Variants in CNNM2 observed in about 807,000 individuals in gnomAD.
CNNM2 encodes metal transporter CNNM2.
CNNM2 carries 12 observed loss-of-function variants against 66.9 expected under a neutral mutation model. That is an observed-to-expected ratio of 0.18 (90% CI 0.11 to 0.29). The LOEUF is 0.29. CNNM2 is among the 10% of genes least tolerant of loss of function. The pLI, the probability that CNNM2 is intolerant of heterozygous loss-of-function variation, is 1.00. For missense variants in CNNM2, 705 were observed against 1,167.7 expected (o/e 0.60, Z 5.77); for synonymous variants, 557 against 501.8 (o/e 1.11, Z -1.47).
At chr10:102,972,623 G>A (rs1378990336) in intron 1 of CNNM2, among the ~76,000 whole-genome samples, 1 of 152,166 alleles carries the variant, frequency 6.6e-6, no homozygotes, top group Admixed American at 6.5e-5. Flanking sequence ...GAGACAGAGC[G>A]AGACTGTCTC....
At chr10:103,011,610 GTTAT>G (rs776484519) in intron 1 of CNNM2, among the ~76,000 whole-genome samples, 2 of 150,174 alleles carry the variant, frequency 1.3e-5, no homozygotes, top group Non-Finnish European at 3.0e-5. Flanking sequence ...ACTGGTAACT[GTTAT>G]TTAGTTTTCT....
At chr10:103,026,526 A>G (rs1285982925) in intron 1 of CNNM2, among the ~76,000 whole-genome samples, 1 of 146,638 alleles carries the variant, frequency 6.8e-6, no homozygotes, top group Non-Finnish European at 1.5e-5. Context: ...GCTGGAGCCC[A>G]GGAGGTCAAG....
chr10:102,976,611 A>ATTTTTTTTTTTTT lies in CNNM2; in HGVS notation c.1621+56526_1621+56538dup, dbSNP rs66498944. On this transcript the variant is annotated intron_variant, in intron 1 of 7. Coordinates refer to ENST00000369878, the MANE Select transcript of CNNM2 (RefSeq NM_017649.5). ...CAGGTGTGCGCCACACGCCCAGGTAATTTTTTTTTTTTTTTTTTTTTTTTT... is the reference window on the plus strand; with the variant it reads ...CAGGTGTGCGCCACACGCCCAGGTAATTTTTTTTTTTTTTTTTTTTTTTTTTTTTTTTTTTTTT... Among the ~76,000 whole-genome samples, 112 of 59,432 alleles carry ATTTTTTTTTTTTT rather than the reference A, an allele frequency of 1.9e-3. 2 individuals are homozygous for ATTTTTTTTTTTTT. Among genetic ancestry groups the ATTTTTTTTTTTTT allele is most frequent in the African/African-American group, 4.3e-3 (54 of 12,652 alleles). 39.0% of individuals were successfully genotyped at this position (59,432 alleles called of 152,430 possible). A position where few individuals can be genotyped will look rare whatever the true frequency, so the allele number is the denominator to read the frequency against.
At chr10:103,073,194 C>T (rs985757115) in intron 6 of CNNM2, among the ~76,000 whole-genome samples, 1 of 152,164 alleles carries the variant, frequency 6.6e-6, no homozygotes, top group Non-Finnish European at 1.5e-5. Flanking sequence ...AGGAGAGGGT[C>T]CACTCACACA....
intron 1 of CNNM2, among the ~76,000 whole-genome samples, chr10:102,958,459 GTTTTTTTTTTTTTTTTTT>G (rs33992570): frequency 1.9e-5 from 1 of 51,702 alleles, no homozygotes; most frequent in Non-Finnish European, 3.5e-5. Flanking sequence ...CAAGCAACTT[GTTTTTTTTTTTTTTTTTT>G]TTTTTTTTTT....
At chr10:103,045,225 A>G (rs1474779209) in intron 1 of CNNM2, among the ~76,000 whole-genome samples, 1 of 152,228 alleles carries the variant, frequency 6.6e-6, no homozygotes, top group Non-Finnish European at 1.5e-5. Flanking sequence ...GACCTGATGC[A>G]GTGTTTATAT....
intron 1 of CNNM2, among the ~76,000 whole-genome samples, chr10:103,022,699 TA>T (rs1249624176): frequency 6.6e-6 from 1 of 152,202 alleles, no homozygotes; most frequent in Non-Finnish European, 1.5e-5. Flanking sequence ...TGCATTGCTG[TA>T]AAGGAGTACC....
intron 1 of CNNM2, among the ~76,000 whole-genome samples, chr10:103,026,275 C>T (rs2064701506): frequency 6.6e-6 from 1 of 152,134 alleles, no homozygotes; most frequent in Non-Finnish European, 1.5e-5. Context: ...ACTTAAATTA[C>T]ATAATTGCAG....
intron 1 of CNNM2, among the ~76,000 whole-genome samples, chr10:103,022,411 T>C (rs2064603612): frequency 6.6e-6 from 1 of 152,230 alleles, no homozygotes; most frequent in Non-Finnish European, 1.5e-5. Flanking sequence ...GGTGACCTTA[T>C]AGACAAGGTG....
intron 1 of CNNM2, among the ~76,000 whole-genome samples, chr10:102,951,289 T>G (rs1846822297): frequency 6.6e-6 from 1 of 152,070 alleles, no homozygotes; most frequent in South Asian, 2.1e-4. Flanking sequence ...CTCCACCTCC[T>G]GTGTTCAAGT....
At chr10:103,067,523 A>AC (rs1358919598) in intron 4 of CNNM2, among the ~76,000 whole-genome samples, 1 of 152,238 alleles carries the variant, frequency 6.6e-6, no homozygotes, top group Non-Finnish European at 1.5e-5. Flanking sequence ...CCTTTTCAAT[A>AC]CATGGCATCT....
intron 1 of CNNM2, among the ~76,000 whole-genome samples, chr10:103,002,966 G>A (rs114288208): frequency 0.012 from 1,803 of 152,070 alleles, 35 homozygotes; most frequent in African/African-American, 0.042. Context: ...TGTTCATAGC[G>A]GCATTATTTA....
At position 103,089,488 on chromosome 10, in the gene CNNM2, G is replaced by C. The variant is rs2066144356; in HGVS notation, c.*12308G>C. ...CCATTACAATTTTGGACCATCTGCA[G>C]AGAGTACAGATACACAAAACCAAAA... On this transcript the variant is annotated 3_prime_UTR_variant, in exon 8 of 8. Coordinates refer to ENST00000369878, the MANE Select transcript of CNNM2 (RefSeq NM_017649.5). 1 of 1,066,322 alleles carries C rather than the reference G, an allele frequency of 9.4e-7. No homozygotes were observed. The highest frequency in any genetic ancestry group is 1.6e-5 in the African/African-American group (1 of 62,384). The allele number at this position is 1,066,322 out of a possible 1,614,324, so 66.1% of individuals were successfully genotyped here.
chr10:103,077,246 C>G lies in CNNM2; in HGVS notation c.*66C>G, dbSNP rs2065707550. The G allele has an allele frequency of 1.4e-6, 2 of 1,408,998 alleles. No homozygotes were observed. The highest frequency in any genetic ancestry group is 4.6e-5 in the East Asian group (2 of 43,682). 87.3% of individuals were successfully genotyped at this position (1,408,998 alleles called of 1,614,324 possible). A position where few individuals can be genotyped will look rare whatever the true frequency, so the allele number is the denominator to read the frequency against. On this transcript the variant is annotated 3_prime_UTR_variant, in exon 8 of 8. Transcript: ENST00000369878. ...TCCCGAGGGCCCGGCCCTGTCTGCCCATGACTTCACTGGTGTGAGCTTGTC... is the reference window on the plus strand; with the variant it reads ...TCCCGAGGGCCCGGCCCTGTCTGCCGATGACTTCACTGGTGTGAGCTTGTC...
intron 1 of CNNM2, among the ~76,000 whole-genome samples, chr10:102,939,804 C>T (rs1846361348): frequency 6.6e-6 from 1 of 152,092 alleles, no homozygotes. Flanking sequence ...AACACCGTCT[C>T]TACTAAAAAT....
At chr10:103,046,518 T>C (rs933120403) in intron 1 of CNNM2, among the ~76,000 whole-genome samples, 7 of 152,234 alleles carry the variant, frequency 4.6e-5, no homozygotes, top group Admixed American at 4.6e-4. Flanking sequence ...TGATTGAGGA[T>C]CCTTTTATTT....
intron 1 of CNNM2, among the ~76,000 whole-genome samples, chr10:102,948,180 C>A (rs980321208): frequency 6.6e-6 from 1 of 152,176 alleles, no homozygotes; most frequent in African/African-American, 2.4e-5. Flanking sequence ...TTTTGGTGAA[C>A]AAGATTGTTG....
intron 1 of CNNM2, among the ~76,000 whole-genome samples, chr10:103,025,919 T>C (rs2064692988): frequency 6.6e-6 from 1 of 152,218 alleles, no homozygotes; most frequent in South Asian, 2.1e-4. Context: ...TAATCTCCAA[T>C]GCAAACACTG....
At chr10:102,928,789 C>G (rs1052551788) in intron 1 of CNNM2, among the ~76,000 whole-genome samples, 1 of 152,096 alleles carries the variant, frequency 6.6e-6, no homozygotes, top group Non-Finnish European at 1.5e-5. Context: ...TCACTTCCCC[C>G]AAAGGCCCCA....
Sources: gnomAD v4.1 joint callset for allele counts (sites outside exome capture counted in the v4.1 genomes callset) on GRCh38, gnomAD v4.1.1 for gene constraint, MANE v1.5 for transcripts, NCBI Gene and HGNC (gene_info 2026-07-23, HGNC 2026-07-21) for gene names.